PACRG: variants seen among roughly 807,000 people sequenced by gnomAD.
PACRG encodes the protein parkin coregulated.
A neutral mutation model predicts 29.7 loss-of-function variants in PACRG; 29 were observed. The ratio of observed to expected loss-of-function variants is 0.98; its 90% CI spans 0.73 to 1.33. The LOEUF (loss-of-function observed/expected upper bound fraction) is 1.33. Among genes scored for constraint, PACRG ranks in the 40% most tolerant of loss-of-function variants. PACRG has a pLI of 0.00. For missense variants in PACRG, 279 were observed against 316.2 expected (o/e 0.88, Z 0.89); for synonymous variants, 116 against 118.7 (o/e 0.98, Z 0.15).
chr6:162,735,056 A>G (rs182665685), intron 1 of PACRG, among the ~76,000 whole-genome samples: 7 of 152,338 alleles, frequency 4.6e-5, no homozygotes, highest in African/African-American at 7.2e-5. Flanking sequence ...ACATTATTGC[A>G]TACAACTATA....
intron 2 of PACRG, among the ~76,000 whole-genome samples, chr6:163,026,181 G>A (rs370251278): frequency 1.2e-4 from 19 of 152,032 alleles, no homozygotes; most frequent in South Asian, 2.1e-4. Flanking sequence ...TGATAAAAGG[G>A]AACAACATAA....
intron 2 of PACRG, among the ~76,000 whole-genome samples, chr6:162,922,450 T>A (rs1797132302): frequency 6.6e-6 from 1 of 151,908 alleles, no homozygotes; most frequent in Non-Finnish European, 1.5e-5. Context: ...CAAATTCTTT[T>A]ACCTTTTGTA....
chr6:162,885,340 G>A (rs1159942066), intron 2 of PACRG, among the ~76,000 whole-genome samples: 1 of 151,084 alleles, frequency 6.6e-6, no homozygotes, highest in Non-Finnish European at 1.5e-5. Flanking sequence ...CACGACCTTA[G>A]CTCACTGCAA....
At position 163,314,818 on chromosome 6, in the gene PACRG, A is replaced by G; in HGVS notation, c.614-9A>G. ...GTAACTGGCCTCTTTGTGTGTTTGC[A>G]TGCACCAGTGAACTCCGGAGACGGC... is the stretch of plus-strand genomic sequence containing the variant. On this transcript the variant is annotated splice_polypyrimidine_tract_variant and intron_variant, in intron 4 of 4. Transcript: ENST00000366888. 1 of 1,612,942 alleles carries G rather than the reference A, an allele frequency of 6.2e-7. No homozygotes were observed. The highest frequency in any genetic ancestry group is 8.5e-7 in the Non-Finnish European group (1 of 1,179,652).
chr6:163,118,589 A>G (rs933789941), intron 4 of PACRG, among the ~76,000 whole-genome samples: 1 of 152,244 alleles, frequency 6.6e-6, no homozygotes, highest in African/African-American at 2.4e-5. Flanking sequence ...TCACTTGCTA[A>G]CTTAGTAAAG....
intron 2 of PACRG, among the ~76,000 whole-genome samples, chr6:162,891,758 T>C (rs1283265198): frequency 2.6e-5 from 4 of 152,078 alleles, no homozygotes; most frequent in Non-Finnish European, 5.9e-5. Flanking sequence ...CATGGAACCA[T>C]GTGGGTCACT....
chr6:163,304,763 A>G (rs570835386), intron 4 of PACRG, among the ~76,000 whole-genome samples: 10 of 152,298 alleles, frequency 6.6e-5, no homozygotes, highest in African/African-American at 2.4e-4. Context: ...ATCCAGCCTG[A>G]GTGAAGCAGG....
chr6:162,976,645 G>A (rs1449032014), intron 2 of PACRG, among the ~76,000 whole-genome samples: 1 of 152,184 alleles, frequency 6.6e-6, no homozygotes, highest in Non-Finnish European at 1.5e-5. Context: ...AATTTGGAAC[G>A]AGGTACATAT....
At chr6:163,217,538 C>T (rs9456842) in intron 4 of PACRG, among the ~76,000 whole-genome samples, 114,783 of 152,060 alleles carry the variant, frequency 0.75, 44,173 homozygotes, top group African/African-American at 0.91. Context: ...GGTAGGGGTC[C>T]CCAGCCCCCG....
intron 2 of PACRG, among the ~76,000 whole-genome samples, chr6:162,978,329 C>T (rs1459400444): frequency 6.6e-6 from 1 of 152,094 alleles, no homozygotes; most frequent in Non-Finnish European, 1.5e-5. Context: ...GCCCATAATG[C>T]ACTGTTTACA....
At chr6:163,075,188 A>T (rs1028851986) in intron 3 of PACRG, among the ~76,000 whole-genome samples, 1 of 152,158 alleles carries the variant, frequency 6.6e-6, no homozygotes, top group Non-Finnish European at 1.5e-5. Flanking sequence ...ACCAAAACTG[A>T]CACCTGAAAA....
chr6:163,189,141 A>G (rs1780087330), intron 4 of PACRG, among the ~76,000 whole-genome samples: 1 of 152,260 alleles, frequency 6.6e-6, no homozygotes, highest in Admixed American at 6.5e-5. Context: ...CAATTCATGT[A>G]TAAAGCCCGT....
chr6:163,298,063 A>C (rs1187026934), intron 4 of PACRG, among the ~76,000 whole-genome samples: 2 of 152,128 alleles, frequency 1.3e-5, no homozygotes, highest in Non-Finnish European at 2.9e-5. Context: ...TGCTCTCTGA[A>C]ATAGTGCTTA....
intron 2 of PACRG, among the ~76,000 whole-genome samples, chr6:163,019,664 C>T (rs950857835): frequency 5.3e-5 from 8 of 152,170 alleles, no homozygotes; most frequent in Non-Finnish European, 1.2e-4. Flanking sequence ...GCTGTGGTCA[C>T]ATGGGTCTTA....
At chr6:162,919,466 C>T (rs574301714) in intron 2 of PACRG, among the ~76,000 whole-genome samples, 31 of 152,234 alleles carry the variant, frequency 2.0e-4, no homozygotes, top group South Asian at 1.9e-3. Flanking sequence ...AAACGTTTCT[C>T]GTAGCACCAT....
At chr6:162,787,580 GTGTATATATATA>G (rs1404526844) in intron 1 of PACRG, among the ~76,000 whole-genome samples, 8 of 69,178 alleles carry the variant, frequency 1.2e-4, no homozygotes, top group African/African-American at 1.8e-4. Context: ...GTGTGTGTGT[GTGTATATATATA>G]TATATATATA....
intron 4 of PACRG, among the ~76,000 whole-genome samples, chr6:163,181,029 G>A (rs140089292): frequency 8.0e-4 from 121 of 152,190 alleles, no homozygotes; most frequent in Non-Finnish European, 1.4e-3. Flanking sequence ...CTCAGCCTGA[G>A]TGTCTCTAAC....
intron 2 of PACRG, among the ~76,000 whole-genome samples, chr6:162,885,646 G>A (rs537650404): frequency 6.6e-6 from 1 of 152,262 alleles, no homozygotes; most frequent in Non-Finnish European, 1.5e-5. Flanking sequence ...TGTGATCAGA[G>A]GTTTTTGGGA....
intron 1 of PACRG, among the ~76,000 whole-genome samples, chr6:162,798,364 T>G (rs989758039): frequency 1.1e-4 from 17 of 152,188 alleles, no homozygotes; most frequent in African/African-American, 4.1e-4. Context: ...CCCTCATGAG[T>G]TCTCCCTCAC....
Sources: allele counts gnomAD v4.1 joint callset (sites outside exome capture counted in the v4.1 genomes callset), GRCh38; gene constraint gnomAD v4.1.1; transcripts MANE v1.5; gene names NCBI Gene and HGNC (gene_info 2026-07-23, HGNC 2026-07-21).